DGKB: variants seen among roughly 807,000 people sequenced by gnomAD.
The protein encoded by DGKB is diacylglycerol kinase beta.
In DGKB, 67 loss-of-function variants were observed where a neutral mutation model predicts 114.3. The observed-to-expected ratio is 0.59, with a 90% CI of 0.48 to 0.72. The LOEUF (loss-of-function observed/expected upper bound fraction) is 0.72, where lower values mean the gene tolerates loss of function less well. Ranked by LOEUF, DGKB falls within the 30% of genes least tolerant of loss-of-function variation. DGKB has a pLI of 0.00. For synonymous variants in DGKB, 398 were observed against 323.1 expected (o/e 1.23, Z -2.49); for missense variants, 907 against 975.2 (o/e 0.93, Z 0.93).
intron 23 of DGKB, among the ~76,000 whole-genome samples, chr7:14,301,410 T>C (rs1343802535): frequency 6.6e-6 from 1 of 152,070 alleles, no homozygotes; most frequent in Non-Finnish European, 1.5e-5. Context: ...GAAAAACCAT[T>C]CTATTTTCAC....
chr7:14,818,035 G>T (rs1844408909), intron 2 of DGKB, among the ~76,000 whole-genome samples: 1 of 151,900 alleles, frequency 6.6e-6, no homozygotes, highest in South Asian at 2.1e-4. Flanking sequence ...GATACCAACT[G>T]GGAAAAACTC....
intron 15 of DGKB, among the ~76,000 whole-genome samples, chr7:14,617,074 G>C (rs1806677263): frequency 6.6e-6 from 1 of 151,664 alleles, no homozygotes; most frequent in African/African-American, 2.4e-5. Flanking sequence ...TTGGATCCCA[G>C]TTCAATCACT....
Position 14,365,819 on chromosome 7 carries a change from G to A in DGKB, c.1836-20428C>T, listed in dbSNP as rs146089440. Among the ~76,000 whole-genome samples the A allele has an allele frequency of 3.5e-3, 536 of 152,188 alleles. 1 individual carries two copies. Among genetic ancestry groups the A allele is most frequent in the African/African-American group, 0.011 (465 of 41,554 alleles). ...GCACAAAAAAGAAATCTGGTTGCTA[G>A]AGCCAATTAGTCTGTAAATAGCTTT... is the stretch of plus-strand genomic sequence containing the variant. On this transcript the variant is annotated intron_variant, in intron 21 of 25. Transcript: ENST00000402815.
intron 21 of DGKB, among the ~76,000 whole-genome samples, chr7:14,455,096 A>T (rs1422329248): frequency 6.6e-6 from 1 of 152,014 alleles, no homozygotes; most frequent in African/African-American, 2.4e-5. Flanking sequence ...CCATCAATAT[A>T]CTTTTTAATT....
At chr7:14,604,081 A>C (rs1376147679) in intron 17 of DGKB, among the ~76,000 whole-genome samples, 2 of 152,102 alleles carry the variant, frequency 1.3e-5, no homozygotes, top group Admixed American at 1.3e-4. Flanking sequence ...CTTCTAACTA[A>C]CCTATACCTC....
At chr7:14,231,359 A>C (rs1045680386) in intron 23 of DGKB, among the ~76,000 whole-genome samples, 3 of 151,916 alleles carry the variant, frequency 2.0e-5, no homozygotes, top group Admixed American at 1.3e-4. Context: ...GCTGGTCTGG[A>C]ACTTGTGGCC....
chr7:14,306,683 T>G (rs907746521), intron 23 of DGKB, among the ~76,000 whole-genome samples: 2 of 152,282 alleles, frequency 1.3e-5, no homozygotes, highest in Non-Finnish European at 2.9e-5. Context: ...CGTAATGTTG[T>G]GCTGGAAACC....
intron 1 of DGKB, among the ~76,000 whole-genome samples, chr7:14,958,993 A>G (rs759612374): frequency 2.0e-5 from 3 of 152,106 alleles, no homozygotes; most frequent in African/African-American, 4.8e-5. Context: ...TCTGGAATTC[A>G]TCTCTGTCAT....
chr7:14,948,548 G>A (rs898686234), intron 1 of DGKB, among the ~76,000 whole-genome samples: 1 of 151,746 alleles, frequency 6.6e-6, no homozygotes, highest in Non-Finnish European at 1.5e-5. Flanking sequence ...AGATCTTCCA[G>A]GAATGTGAAG....
At chr7:14,377,116 A>G (rs564450409) in intron 21 of DGKB, among the ~76,000 whole-genome samples, 69 of 152,316 alleles carry the variant, frequency 4.5e-4, no homozygotes, top group African/African-American at 1.6e-3. Context: ...CCTAAATTTG[A>G]GACCGTTTTG....
chr7:14,852,721 G>C (rs1043160369), intron 1 of DGKB, among the ~76,000 whole-genome samples: 4 of 152,074 alleles, frequency 2.6e-5, no homozygotes, highest in Admixed American at 2.0e-4. Context: ...GATTAAAGAA[G>C]AATGCAGTTG....
upstream of DGKB, among the ~76,000 whole-genome samples, chr7:14,905,304 C>A (rs932526918): frequency 6.9e-6 from 1 of 144,016 alleles, no homozygotes; most frequent in Admixed American, 7.2e-5. Flanking sequence ...TAAGAAAAAA[C>A]CACTCTCTTA....
intron 1 of DGKB, among the ~76,000 whole-genome samples, chr7:14,891,481 A>T (rs1371706945): frequency 1.3e-5 from 2 of 151,490 alleles, no homozygotes; most frequent in East Asian, 3.9e-4. Context: ...AGCAGCACTG[A>T]AAGAATGAAT....
At chr7:14,417,795 T>C (rs1825938250) in intron 21 of DGKB, among the ~76,000 whole-genome samples, 2 of 151,840 alleles carry the variant, frequency 1.3e-5, no homozygotes, top group Admixed American at 6.6e-5. Flanking sequence ...TGCTGTAATA[T>C]TTTGGATGAG....
chr7:14,880,910 G>C (rs1428316811), intron 1 of DGKB, among the ~76,000 whole-genome samples: 1 of 151,968 alleles, frequency 6.6e-6, no homozygotes, highest in Non-Finnish European at 1.5e-5. Context: ...CCAGTTTTAT[G>C]TTACAGTAAA....
intron 21 of DGKB, among the ~76,000 whole-genome samples, chr7:14,447,217 T>G (rs1266273958): frequency 6.7e-6 from 1 of 149,370 alleles, no homozygotes. Flanking sequence ...TTTTGCCACA[T>G]GAAAGAAATA....
At chr7:14,864,338 C>T (rs773975432) in intron 1 of DGKB, among the ~76,000 whole-genome samples, 1 of 151,852 alleles carries the variant, frequency 6.6e-6, no homozygotes, top group South Asian at 2.1e-4. Context: ...ACAAACACAC[C>T]CATGTAATCA....
intron 21 of DGKB, among the ~76,000 whole-genome samples, chr7:14,348,748 A>G (rs1411716804): frequency 2.0e-5 from 3 of 151,874 alleles, no homozygotes; most frequent in African/African-American, 2.4e-5. Flanking sequence ...ACATACTTCA[A>G]TGATTCAGCT....
chr7:14,880,767 C>T (rs1854099948), intron 1 of DGKB, among the ~76,000 whole-genome samples: 1 of 152,112 alleles, frequency 6.6e-6, no homozygotes, highest in Admixed American at 6.6e-5. Flanking sequence ...ATACCAAGCT[C>T]GTAACTTTAA....
Sources: allele counts gnomAD v4.1 joint callset (sites outside exome capture counted in the v4.1 genomes callset), GRCh38; gene constraint gnomAD v4.1.1; transcripts MANE v1.5; gene names NCBI Gene and HGNC (gene_info 2026-07-23, HGNC 2026-07-21).